The following YIPF1 variants were observed in gnomAD, a reference collection of about 807,000 sequenced individuals.
YIPF1 encodes protein YIPF1.
In YIPF1, 22 loss-of-function variants were observed where a neutral mutation model predicts 37.0. The observed-to-expected ratio is 0.59, with a 90% CI of 0.42 to 0.85. The LOEUF (loss-of-function observed/expected upper bound fraction) is 0.85, where lower values mean the gene tolerates loss of function less well. YIPF1 is among the 40% of genes least tolerant of loss of function. The probability of loss-of-function intolerance (pLI) is 0.00; values close to 1 mark genes in which losing one functional copy is unlikely to be tolerated. For missense variants in YIPF1, 355 were observed against 373.1 expected (o/e 0.95, Z 0.40); for synonymous variants, 128 against 131.9 (o/e 0.97, Z 0.21).
Position 53,889,285 on chromosome 1 carries a change from C to T in YIPF1, c.-91G>A, listed in dbSNP as rs1650739952. The T allele has an allele frequency of 9.6e-6, 2 of 208,936 alleles. No homozygotes were observed. The highest frequency in any genetic ancestry group is 2.0e-5 in the Non-Finnish European group (2 of 101,982). The allele number at this position is 208,936 out of a possible 1,614,324, so 12.9% of individuals were successfully genotyped here. On this transcript the variant is annotated 5_prime_UTR_variant, in exon 2 of 11. Coordinates refer to ENST00000072644, the MANE Select transcript of YIPF1 (RefSeq NM_018982.5). ...GAGCAGGTGCAGCCTAGAGATGTAA[C>T]GATGAGGAAGGAGAGGCTGAGGTTT...
intron 10 of YIPF1, among the ~76,000 whole-genome samples, chr1:53,853,366 G>A (rs1188830018): frequency 1.3e-5 from 2 of 152,220 alleles, no homozygotes; most frequent in African/African-American, 4.8e-5. Context: ...AAAACATGAG[G>A]AGGATCTGGT....
chr1:53,860,227 C>T (rs1271843061), intron 9 of YIPF1, 74 bp from the exon 10 acceptor site: 2 of 1,414,948 alleles, frequency 1.4e-6, no homozygotes, highest in African/African-American at 1.4e-5. Context: ...AGACTCCATG[C>T]TAACAGTACT....
intron 6 of YIPF1, among the ~76,000 whole-genome samples, chr1:53,873,360 G>A (rs916891385): frequency 1.3e-5 from 2 of 152,206 alleles, no homozygotes; most frequent in Non-Finnish European, 2.9e-5. Flanking sequence ...AGAGAGGTCC[G>A]TGAAGAGGGA....
intron 3 of YIPF1, 97 bp from the exon 4 acceptor site, chr1:53,883,373 G>A (rs1650556785): frequency 7.6e-7 from 1 of 1,317,024 alleles, no homozygotes; most frequent in Non-Finnish European, 9.9e-7. Flanking sequence ...CCTCAGCTTT[G>A]CTATAGACCC....
intron 7 of YIPF1, among the ~76,000 whole-genome samples, chr1:53,870,160 CTTTTTTTTTTTT>C (rs753978320): frequency 0.011 from 961 of 91,182 alleles, 16 homozygotes; most frequent in Non-Finnish European, 0.016. Context: ...CACCGGGTCT[CTTTTTTTTTTTT>C]TTTTTTTTTT....
chr1:53,875,191 A>T (rs569202276), intron 6 of YIPF1, among the ~76,000 whole-genome samples: 1 of 152,148 alleles, frequency 6.6e-6, no homozygotes, highest in Non-Finnish European at 1.5e-5. Flanking sequence ...GCCACACTTA[A>T]TATCAATGTT....
chr1:53,871,530 CA>C, intron 6 of YIPF1, 42 bp from the exon 7 acceptor site: 1 of 1,456,856 alleles, frequency 6.9e-7, no homozygotes, highest in Non-Finnish European at 9.6e-7. Context: ...GAAAATGAAG[CA>C]TAAGCCTTTA....
intron 9 of YIPF1, among the ~76,000 whole-genome samples, chr1:53,864,832 G>A (rs1649975294): frequency 6.6e-6 from 1 of 152,054 alleles, no homozygotes; most frequent in Non-Finnish European, 1.5e-5. Flanking sequence ...CCTAATTTAT[G>A]GGCATTTACA....
intron 7 of YIPF1, among the ~76,000 whole-genome samples, chr1:53,871,089 A>G (rs900783122): frequency 2.0e-5 from 3 of 151,760 alleles, no homozygotes; most frequent in Admixed American, 1.3e-4. Context: ...CCCAAAGATT[A>G]TGTGGACTCA....
chr1:53,859,932 C>G (rs1051748009), intron 10 of YIPF1, 124 bp downstream of exon 10: 1 of 919,680 alleles, frequency 1.1e-6, no homozygotes, highest in Admixed American at 2.4e-5. Flanking sequence ...CACAAACCCA[C>G]GCTGAACTGT....
At chr1:53,879,663 G>A (rs1343668350) in intron 4 of YIPF1, among the ~76,000 whole-genome samples, 4 of 152,138 alleles carry the variant, frequency 2.6e-5, no homozygotes, top group East Asian at 1.9e-4. Context: ...CAAAAAGTAC[G>A]GTGAACACTG....
chr1:53,878,487 G>T, intron 5 of YIPF1, 85 bp from the exon 6 acceptor site: 1 of 1,504,232 alleles, frequency 6.6e-7, no homozygotes, highest in South Asian at 1.2e-5. Context: ...TCAGTCATTA[G>T]AGCTTTTATG....
chr1:53,866,443 CAT>C, intron 8 of YIPF1, 61 bp from the exon 9 acceptor site: 1 of 1,552,726 alleles, frequency 6.4e-7, no homozygotes, highest in South Asian at 1.2e-5. Context: ...ATTCCAGGCA[CAT>C]ATGTTTACAA....
chr1:53,859,701 A>C (rs1349816350), intron 10 of YIPF1, among the ~76,000 whole-genome samples: 1 of 152,184 alleles, frequency 6.6e-6, no homozygotes, highest in Non-Finnish European at 1.5e-5. Flanking sequence ...AAGAAAAAAG[A>C]AAAAACCACC....
intron 4 of YIPF1, among the ~76,000 whole-genome samples, chr1:53,879,448 C>T (rs969472011): frequency 6.6e-6 from 1 of 152,012 alleles, no homozygotes; most frequent in Admixed American, 6.6e-5. Flanking sequence ...CTATTGCCAC[C>T]TGAATTCTCA....
At chr1:53,878,811 A>G (rs533030487) in intron 4 of YIPF1, 89 bp from the exon 5 acceptor site, 2 of 1,245,076 alleles carry the variant, frequency 1.6e-6, no homozygotes, top group African/African-American at 3.1e-5. Context: ...GATCTAATGG[A>G]AAAGCAAAAC....
rs1169306871 is a variant in YIPF1 at position 53,852,211 on chromosome 1, C to G, written c.*68G>C. The stretch of plus-strand genomic sequence containing the variant: ...ATCAGTTCTGCTGGCTCTGCTCATT[C>G]TGCTTTCCTGCAGTGGATGCCACTT... On this transcript the variant is annotated 3_prime_UTR_variant, in exon 11 of 11. Transcript: ENST00000072644. 1 of 152,172 alleles carries G rather than the reference C, an allele frequency of 6.6e-6. No individual in the cohort carries two copies. Among genetic ancestry groups the G allele is most frequent in the Non-Finnish European group, 1.5e-5 (1 of 68,036 alleles). 9.4% of individuals were successfully genotyped at this position (152,172 alleles called of 1,614,324 possible).
Position 53,866,597 on chromosome 1 carries a change from C to T in YIPF1, c.648+161G>A, listed in dbSNP as rs185129749. ...AAGATCCAATGAAGGCACTAGGCTCCCCAGACCCCTTTCATGCTTAACTTC... is the reference window on the plus strand; with the variant it reads ...AAGATCCAATGAAGGCACTAGGCTCTCCAGACCCCTTTCATGCTTAACTTC... On this transcript the variant is annotated intron_variant, in intron 8 of 10. Coordinates refer to ENST00000072644, the MANE Select transcript of YIPF1 (RefSeq NM_018982.5). Among the ~76,000 whole-genome samples the T allele has an allele frequency of 9.4e-4, 143 of 152,164 alleles. 1 individual carries two copies. The highest frequency in any genetic ancestry group is 3.2e-3 in the African/African-American group (131 of 41,502).
At chr1:53,873,725 G>A (rs1650255641) in intron 6 of YIPF1, among the ~76,000 whole-genome samples, 2 of 151,842 alleles carry the variant, frequency 1.3e-5, no homozygotes, top group Admixed American at 1.3e-4. Context: ...GGAATGCGGT[G>A]GCTCACACCT....
Sources: allele counts gnomAD v4.1 joint callset (sites outside exome capture counted in the v4.1 genomes callset), GRCh38; gene constraint gnomAD v4.1.1; transcripts MANE v1.5; gene names NCBI Gene and HGNC (gene_info 2026-07-23, HGNC 2026-07-21).